Variants in TDRD7 observed in about 807,000 individuals in gnomAD.
The protein encoded by TDRD7 is tudor domain containing 7.
A neutral mutation model predicts 109.8 loss-of-function variants in TDRD7; 47 were observed. That is an observed-to-expected ratio of 0.43 (90% CI 0.34 to 0.55). The LOEUF is 0.55. TDRD7 is among the 20% of genes least tolerant of loss of function. The probability of loss-of-function intolerance (pLI) is 0.03; values close to 1 mark genes in which losing one functional copy is unlikely to be tolerated. For synonymous variants in TDRD7, 424 were observed against 457.3 expected (o/e 0.93, Z 0.93); for missense variants, 1,164 against 1,319.2 (o/e 0.88, Z 1.82).
intron 1 of TDRD7, among the ~76,000 whole-genome samples, chr9:97,424,566 A>G (rs1827955080): frequency 6.6e-6 from 1 of 152,208 alleles, no homozygotes; most frequent in South Asian, 2.1e-4. Flanking sequence ...CTTAATCATT[A>G]TGTAATGTCT....
chr9:97,419,907 C>T (rs547473267), intron 1 of TDRD7, among the ~76,000 whole-genome samples: 17 of 152,120 alleles, frequency 1.1e-4, no homozygotes, highest in African/African-American at 4.1e-4. Flanking sequence ...CTACATCCCG[C>T]GATATCTTAA....
chr9:97,454,306 C>T (rs139454847), intron 6 of TDRD7, among the ~76,000 whole-genome samples: 1,534 of 152,172 alleles, frequency 0.01, 12 homozygotes, highest in Non-Finnish European at 0.014. Context: ...TGGTGAAACC[C>T]CATCTCTACT....
At chr9:97,459,836 T>C (rs1828679005) in intron 6 of TDRD7, among the ~76,000 whole-genome samples, 1 of 152,232 alleles carries the variant, frequency 6.6e-6, no homozygotes, top group African/African-American at 2.4e-5. Flanking sequence ...ACAACTTATT[T>C]TTAGTCAGTT....
At chr9:97,453,420 C>T (rs943907191) in intron 6 of TDRD7, among the ~76,000 whole-genome samples, 2 of 151,954 alleles carry the variant, frequency 1.3e-5, no homozygotes, top group Non-Finnish European at 2.9e-5. Context: ...TTTGGAGGCT[C>T]CCATTGAAAA....
intron 6 of TDRD7, among the ~76,000 whole-genome samples, chr9:97,447,607 GA>G (rs1479917896): frequency 6.6e-6 from 1 of 152,168 alleles, no homozygotes; most frequent in African/African-American, 2.4e-5. Flanking sequence ...AGCAGTGGAG[GA>G]AATGAAGTCA....
intron 1 of TDRD7, among the ~76,000 whole-genome samples, chr9:97,420,046 T>C (rs1827872722): frequency 2.0e-5 from 3 of 152,128 alleles, no homozygotes; most frequent in African/African-American, 7.2e-5. Flanking sequence ...AATAAAAACA[T>C]GTGCCTACCT....
intron 4 of TDRD7, among the ~76,000 whole-genome samples, chr9:97,438,691 C>G (rs1327902110): frequency 6.6e-6 from 1 of 152,004 alleles, no homozygotes; most frequent in African/African-American, 2.4e-5. Context: ...AGGTAGGGAT[C>G]TATTTCTTTT....
At chr9:97,418,216 A>G (rs1827842224) in intron 1 of TDRD7, among the ~76,000 whole-genome samples, 1 of 152,244 alleles carries the variant, frequency 6.6e-6, no homozygotes, top group African/African-American at 2.4e-5. Context: ...TAGAAAAAAC[A>G]GTCTGACAAT....
chr9:97,418,495 C>T (rs1434042310), intron 1 of TDRD7, among the ~76,000 whole-genome samples: 2 of 151,706 alleles, frequency 1.3e-5, no homozygotes, highest in Non-Finnish European at 2.9e-5. Flanking sequence ...TTAAACAGGT[C>T]ATGGGTGGGG....
rs148556104 is a variant in TDRD7 at position 97,468,219 on chromosome 9, C to T, written c.1630-2339C>T. Among the ~76,000 whole-genome samples, 225 of 152,250 alleles carry T rather than the reference C, an allele frequency of 1.5e-3. 1 individual carries two copies. The highest frequency in any genetic ancestry group is 5.2e-3 in the African/African-American group (216 of 41,542). ...TGAGATCCCCTAGAGAGAGAATACA[C>T]GTAGAGAGGAGGAGGGGCCTGGGCC... On this transcript the variant is annotated intron_variant, in intron 8 of 16. Transcript: ENST00000355295.
chr9:97,480,766 A>G (rs1197364959), intron 13 of TDRD7, 62 bp from the exon 14 acceptor site: 4 of 1,292,590 alleles, frequency 3.1e-6, no homozygotes, highest in Non-Finnish European at 4.5e-6. Flanking sequence ...TAATATTAAC[A>G]TTACTCATAA....
intron 15 of TDRD7, among the ~76,000 whole-genome samples, chr9:97,484,081 T>A (rs951054859): frequency 6.6e-6 from 1 of 152,228 alleles, no homozygotes; most frequent in Non-Finnish European, 1.5e-5. Flanking sequence ...AGAAGAAAAG[T>A]CACTTGTTGG....
In TDRD7 at chr9:97,441,757, A is replaced by G. The variant is rs1372824675; in HGVS notation, c.737A>G (p.Asn246Ser). 2 of 1,613,710 alleles carry G rather than the reference A, an allele frequency of 1.2e-6. No individual in the cohort carries two copies. The highest frequency in any genetic ancestry group is 1.3e-5 in the African/African-American group (1 of 74,904). Reference protein sequence around the residue: ...EVQNRIKEILNKHNNGIWISK... With the variant: ...EVQNRIKEILSKHNNGIWISK... ...CAAAATCGCATAAAGGAAATACTAA[A>G]CAAGCATAACAATGGCATTTGGATA... The change falls in exon 6 of 17, where the codon AAC (asparagine) becomes AGC (serine). Residue 246 changes from asparagine to serine, a missense_variant. Around this residue, in one of 5 missense-constraint regions of TDRD7, gnomAD observed 407 missense variants for 394.0 expected, o/e 1.03. Transcript: ENST00000355295.
chr9:97,425,991 A>G (rs1384541344), intron 1 of TDRD7, among the ~76,000 whole-genome samples: 1 of 152,200 alleles, frequency 6.6e-6, no homozygotes, highest in Non-Finnish European at 1.5e-5. Flanking sequence ...GGGATACTGC[A>G]ACCATTAACA....
At chr9:97,441,361 C>A (rs1406404982) in intron 5 of TDRD7, among the ~76,000 whole-genome samples, 1 of 152,120 alleles carries the variant, frequency 6.6e-6, no homozygotes, top group Non-Finnish European at 1.5e-5. Flanking sequence ...TTTAATTATT[C>A]TTTATGTAGC....
intron 4 of TDRD7, among the ~76,000 whole-genome samples, chr9:97,434,083 A>G (rs994590452): frequency 1.3e-5 from 2 of 152,226 alleles, no homozygotes; most frequent in African/African-American, 4.8e-5. Context: ...AGCAGCATTC[A>G]CAATAGCCAA....
chr9:97,433,690 C>T (rs975106112), intron 4 of TDRD7, among the ~76,000 whole-genome samples: 2 of 151,956 alleles, frequency 1.3e-5, no homozygotes, highest in African/African-American at 2.4e-5. Context: ...ATTTTAAAAA[C>T]GAGCAAAGGA....
Position 97,430,074 on chromosome 9 carries a change from T to C in TDRD7, c.208-859T>C, listed in dbSNP as rs114075514. Among the ~76,000 whole-genome samples, 988 of 152,330 alleles carry C rather than the reference T, an allele frequency of 6.5e-3. 9 individuals carry two copies. Among genetic ancestry groups the C allele is most frequent in the African/African-American group, 0.023 (949 of 41,566 alleles). On this transcript the variant is annotated intron_variant, in intron 2 of 16. Transcript: ENST00000355295. Reference sequence around the variant, plus strand: ...TAGGAACATATTTTAGCTTGTGACATAAAGCCTCATTGTTTTCCTGTTTTT... The same window carrying C: ...TAGGAACATATTTTAGCTTGTGACACAAAGCCTCATTGTTTTCCTGTTTTT...
chr9:97,422,272 G>C (rs1827912501), intron 1 of TDRD7, among the ~76,000 whole-genome samples: 1 of 152,110 alleles, frequency 6.6e-6, no homozygotes. Flanking sequence ...GCACATGCCT[G>C]TAATCCCAGC....
Sources: allele counts gnomAD v4.1 joint callset (sites outside exome capture counted in the v4.1 genomes callset), GRCh38; gene constraint gnomAD v4.1.1; regional missense constraint gnomAD v4.1.1; transcripts MANE v1.5; gene names NCBI Gene and HGNC (gene_info 2026-07-23, HGNC 2026-07-21).